The following ADAMTS2 variants were observed in gnomAD, a reference collection of about 807,000 sequenced individuals.
ADAMTS2 encodes A disintegrin and metalloproteinase with thrombospondin motifs 2.
In ADAMTS2, 50 loss-of-function variants were observed where a neutral mutation model predicts 123.0. The ratio of observed to expected loss-of-function variants is 0.41; its 90% CI spans 0.32 to 0.51. ADAMTS2 has a LOEUF of 0.51. Ranked by LOEUF, ADAMTS2 falls within the 20% of genes least tolerant of loss-of-function variation. The probability of loss-of-function intolerance (pLI) is 0.35; values close to 1 mark genes in which losing one functional copy is unlikely to be tolerated. For missense variants in ADAMTS2, 1,494 were observed against 1,705.2 expected (o/e 0.88, Z 2.18); for synonymous variants, 678 against 695.4 (o/e 0.98, Z 0.39).
intron 2 of ADAMTS2, among the ~76,000 whole-genome samples, chr5:179,297,797 T>TC (rs879737439): frequency 6.6e-6 from 1 of 152,128 alleles, no homozygotes; most frequent in Non-Finnish European, 1.5e-5. Flanking sequence ...CCTTCTCGCC[T>TC]CCCCTGCTGC....
intron 2 of ADAMTS2, among the ~76,000 whole-genome samples, chr5:179,284,166 TAA>T (rs1455704912): frequency 6.7e-6 from 1 of 150,102 alleles, no homozygotes; most frequent in African/African-American, 2.4e-5. Context: ...CCGTCTCTAC[TAA>T]AAACACAAAA....
rs541724537 is a variant in ADAMTS2, at chr5:179,233,729, A to C, written c.689-26014T>G. The stretch of plus-strand genomic sequence containing the variant: ...ACAAACAAACAAAACAAACAAAAAC[A>C]AAAAAACAGAAACACACACTACACT... On this transcript the variant is annotated intron_variant, in intron 3 of 21. Coordinates refer to ENST00000251582, the MANE Select transcript of ADAMTS2 (RefSeq NM_014244.5). Among the ~76,000 whole-genome samples, 4 of 152,238 alleles carry C rather than the reference A, an allele frequency of 2.6e-5. No homozygotes were observed. The East Asian group carries it at 7.7e-4, about 29-fold the overall frequency.
chr5:179,195,583 C>T (rs574855922), intron 4 of ADAMTS2, among the ~76,000 whole-genome samples: 9 of 152,326 alleles, frequency 5.9e-5, no homozygotes, highest in African/African-American at 1.4e-4. Context: ...AGTGGAACCA[C>T]GAGGAGCTCT....
chr5:179,161,622 C>T (rs572356643), intron 5 of ADAMTS2, among the ~76,000 whole-genome samples: 25 of 152,172 alleles, frequency 1.6e-4, no homozygotes, highest in Middle Eastern at 3.4e-3. Flanking sequence ...CCTATAGTGC[C>T]GGAAAGCGCC....
chr5:179,316,498 C>A (rs1757001473), intron 2 of ADAMTS2, among the ~76,000 whole-genome samples: 1 of 152,192 alleles, frequency 6.6e-6, no homozygotes, highest in Non-Finnish European at 1.5e-5. Context: ...CCCAGCCCCA[C>A]AGAACACCCT....
intron 3 of ADAMTS2, among the ~76,000 whole-genome samples, chr5:179,237,033 T>C (rs1354132249): frequency 6.6e-6 from 1 of 151,998 alleles, no homozygotes; most frequent in Non-Finnish European, 1.5e-5. Flanking sequence ...GACGGGAGGA[T>C]AGCTTGAGCA....
intron 3 of ADAMTS2, among the ~76,000 whole-genome samples, chr5:179,267,617 G>A (rs1766409894): frequency 6.6e-6 from 1 of 152,256 alleles, no homozygotes; most frequent in Non-Finnish European, 1.5e-5. Flanking sequence ...AGCCCACAGA[G>A]GAGGGCAGAA....
rs1762948631 is a variant in ADAMTS2 at position 179,130,872 on chromosome 5, T to C, written c.2291-774A>G. Among the ~76,000 whole-genome samples, 3 of 152,078 alleles carry C rather than the reference T, an allele frequency of 2.0e-5. No individual in the cohort carries two copies. The highest frequency in any genetic ancestry group is 7.2e-5 in the African/African-American group (3 of 41,394). Reference sequence around the variant, plus strand: ...GCCTTCTCTCTGGCCCTTGCTCCCTTTCCACAGAGAGCGACCTCAGCCCCA... The same window carrying C: ...GCCTTCTCTCTGGCCCTTGCTCCCTCTCCACAGAGAGCGACCTCAGCCCCA... On this transcript the variant is annotated intron_variant, in intron 15 of 21. Coordinates refer to ENST00000251582, the MANE Select transcript of ADAMTS2 (RefSeq NM_014244.5). The surrounding 1 kb of genome is among the most constrained non-coding windows in gnomAD (Gnocchi z 4.3).
intron 2 of ADAMTS2, among the ~76,000 whole-genome samples, chr5:179,311,340 G>A (rs1388627461): frequency 6.6e-6 from 1 of 152,176 alleles, no homozygotes; most frequent in Non-Finnish European, 1.5e-5. Context: ...TAGCCCATGG[G>A]CAGGCGCCGC....
Position 179,308,311 on chromosome 5 carries a change from C to G in ADAMTS2, c.535-35247G>C, listed in dbSNP as rs547887990. On this transcript the variant is annotated intron_variant, in intron 2 of 21. Transcript: ENST00000251582. This position sits in a 1 kb window ranked among gnomAD's most constrained non-coding sequence, Gnocchi z 6.6. ...ATGGGATGTCGGGAGTCACCAGGACCATCTGACAAATGACCGCCTTGGGGA... is the reference window on the plus strand; with the variant it reads ...ATGGGATGTCGGGAGTCACCAGGACGATCTGACAAATGACCGCCTTGGGGA... 2.0e-5 allele frequency among the ~76,000 whole-genome samples: 3 copies of G among 152,308 alleles called. No individual in the cohort carries two copies. Among genetic ancestry groups the G allele is most frequent in the South Asian group, 2.1e-4 (1 of 4,822 alleles).
At chr5:179,323,589 T>G (rs995366717) in intron 2 of ADAMTS2, among the ~76,000 whole-genome samples, 14 of 152,214 alleles carry the variant, frequency 9.2e-5, no homozygotes, top group African/African-American at 3.1e-4. Context: ...ACACTTCAAC[T>G]TCATCTTTAC....
chr5:179,122,042 C>T (rs1352134412), intron 20 of ADAMTS2, among the ~76,000 whole-genome samples: 3 of 152,132 alleles, frequency 2.0e-5, no homozygotes, highest in Non-Finnish European at 4.4e-5. Context: ...ACCCTGCCCG[C>T]GCCCCGGGTT....
Position 179,117,342 on chromosome 5 carries a change from A to G in ADAMTS2, c.3179-3018T>C, listed in dbSNP as rs1200608945. Among the ~76,000 whole-genome samples the G allele has an allele frequency of 3.3e-5, 5 of 152,180 alleles. No homozygotes were observed. The highest frequency in any genetic ancestry group is 5.9e-5 in the Non-Finnish European group (4 of 68,028). ...CACACTGCCCCCTCTCCTGTTGCCC[A>G]TAGTTTTTCCTTCACACAGATAAGG... On this transcript the variant is annotated intron_variant, in intron 21 of 21. Coordinates refer to ENST00000251582, the MANE Select transcript of ADAMTS2 (RefSeq NM_014244.5). The surrounding 1 kb of genome is among the most constrained non-coding windows in gnomAD (Gnocchi z 4.2).
chr5:179,114,225 C>T lies in ADAMTS2; in HGVS notation c.3278G>A (p.Cys1093Tyr). 6.2e-7 allele frequency: 1 copy of T among 1,613,774 alleles called. No individual in the cohort carries two copies. Among genetic ancestry groups the T allele is most frequent in the Non-Finnish European group, 8.5e-7 (1 of 1,179,740 alleles). Residue 1093 changes from cysteine (C) to tyrosine (Y), a missense_variant, in exon 22 of 22, where the codon TGT (cysteine) becomes TAT (tyrosine). Cys to Tyr is a radical substitution (Grantham distance 194). Transcript: ENST00000251582. ...GTTGGTGAGGTTGTTGTACAGGTTA[C>T]AGGACTTGCAGCACAGCTTGTTGTA... ...PGYNKLCCKSCNLYNNLTNVE... is the reference protein window; with the variant it reads ...PGYNKLCCKSYNLYNNLTNVE...
At chr5:179,284,333 A>G (rs1755946755) in intron 2 of ADAMTS2, among the ~76,000 whole-genome samples, 2 of 151,856 alleles carry the variant, frequency 1.3e-5, no homozygotes. Flanking sequence ...CATCTCAAAA[A>G]CAAACAAACA....
intron 20 of ADAMTS2, 82 bp from the exon 21 acceptor site, chr5:179,121,832 G>A (rs1033066690): frequency 7.9e-5 from 76 of 956,678 alleles, no homozygotes; most frequent in Admixed American, 1.1e-4. Context: ...CGGGTCTCCC[G>A]GGGTCCTGGG....
Position 179,132,312 on chromosome 5 carries a change from T to C in ADAMTS2, c.2210-2A>G. 1 of 1,611,974 alleles carries C rather than the reference T, an allele frequency of 6.2e-7. No individual in the cohort carries two copies. The highest frequency in any genetic ancestry group is 1.3e-5 in the African/African-American group (1 of 75,016). On this transcript the variant is annotated splice_acceptor_variant, in intron 14 of 21. Coordinates refer to ENST00000251582, the MANE Select transcript of ADAMTS2 (RefSeq NM_014244.5). LOFTEE classifies it high-confidence loss of function. This position sits in a 1 kb window ranked among gnomAD's most constrained non-coding sequence, Gnocchi z 6.1. ...GGATCTCAAACATCTTGATGTAACC[T>C]TTTTTTGATGTGGAAAGACACAGAA...
chr5:179,255,452 T>C (rs1420977075), intron 3 of ADAMTS2, among the ~76,000 whole-genome samples: 2 of 152,150 alleles, frequency 1.3e-5, no homozygotes, highest in African/African-American at 4.8e-5. Context: ...TCAGGAACTG[T>C]GGGGTGGGCT....
intron 5 of ADAMTS2, among the ~76,000 whole-genome samples, chr5:179,167,314 GCCGGGGACGCACCCGGCGCCCAGACT>G (rs1208600090): frequency 1.3e-5 from 2 of 151,972 alleles, no homozygotes; most frequent in East Asian, 1.9e-4. Flanking sequence ...AGCGGCCCGG[GCCGGGGACGCACCCGGCGCCCAGACT>G]CCGCGGCCGC....
Sources: allele counts gnomAD v4.1 joint callset (sites outside exome capture counted in the v4.1 genomes callset), GRCh38; gene constraint gnomAD v4.1.1; non-coding constraint Gnocchi (gnomAD v3.1); transcripts MANE v1.5; gene names NCBI Gene and HGNC (gene_info 2026-07-23, HGNC 2026-07-21).